The following MAP2K2 variants were observed in gnomAD, a reference collection of about 807,000 sequenced individuals.
MAP2K2 encodes the protein dual specificity mitogen-activated protein kinase kinase 2.
In MAP2K2, 24 loss-of-function variants were observed where a neutral mutation model predicts 43.7. The observed-to-expected ratio is 0.55, with a 90% CI of 0.40 to 0.77. The LOEUF is 0.77. Among genes scored for constraint, MAP2K2 ranks in the 30% least tolerant of loss-of-function variants. The pLI is 0.00. For missense variants in MAP2K2, 470 were observed against 566.8 expected (o/e 0.83, Z 1.73); for synonymous variants, 244 against 239.7 (o/e 1.02, Z -0.17).
chr19:4,105,501 T>C (rs1002043949), intron 3 of MAP2K2, among the ~76,000 whole-genome samples: 1 of 152,104 alleles, frequency 6.6e-6, no homozygotes, highest in African/African-American at 2.4e-5. Flanking sequence ...CTCGATCTCC[T>C]GACCTCGTGA....
chr19:4,094,914 G>C, intron 9 of MAP2K2: 1 of 375,460 alleles, frequency 2.7e-6, no homozygotes, highest in Non-Finnish European at 5.0e-6. Context: ...ACATGGACCG[G>C]CCCTGTGGGC....
rs10424722 is a variant in MAP2K2, at chr19:4,110,554, C to G, written c.405G>C (p.Gly135=). The change falls in exon 3 of 11, where the codon GGG becomes GGC. Residue 135 remains glycine, a synonymous_variant. Coordinates refer to ENST00000262948, the MANE Select transcript of MAP2K2 (RefSeq NM_030662.4). ...CNSPYIVGFY[G]AFYSDGEISI... is the part of the protein sequence containing the mutation. ...TGATCTCCCCGTCACTGTAGAAGGC[C>G]CCGTAGAAGCCCACGATGTACGGCG... The G allele has an allele frequency of 8.2e-3, 13,212 of 1,613,924 alleles. 967 individuals carry two copies. The African/African-American group carries it at 0.15, about 19-fold the overall frequency.
Position 4,123,656 on chromosome 19 carries a change from C to A in MAP2K2, c.92+128G>T, listed in dbSNP as rs976527803. On this transcript the variant is annotated intron_variant, in intron 1 of 10. Transcript: ENST00000262948. Reference sequence around the variant, plus strand: ...AACCCCCTGCCCCGTGCACCACTCACCCCGTCCTCCCCCGTGACCCCCCTG... The same window carrying A: ...AACCCCCTGCCCCGTGCACCACTCAACCCGTCCTCCCCCGTGACCCCCCTG... The A allele has an allele frequency of 2.8e-5, 13 of 472,090 alleles. No homozygotes were observed. The East Asian group carries it at 4.1e-4, about 15-fold the overall frequency. The allele number at this position is 472,090 out of a possible 1,614,324, so 29.2% of individuals were successfully genotyped here.
At chr19:4,120,790 T>TGGGGGAATCCTTCAAGAG (rs1213310435) in intron 1 of MAP2K2, among the ~76,000 whole-genome samples, 1 of 152,156 alleles carries the variant, frequency 6.6e-6, no homozygotes, top group Non-Finnish European at 1.5e-5. Context: ...CTTCCTCTCC[T>TGGGGGAATCCTTCAAGAG]GGGGGAATCC....
rs773947810 is a variant in MAP2K2, at chr19:4,101,127, G to A, written c.597C>T (p.Asn199=). 3.7e-6 allele frequency: 6 copies of A among 1,608,388 alleles called. No individual in the cohort carries two copies. The African/African-American group carries it at 8.0e-5, about 22-fold the overall frequency. The change falls in exon 6 of 11, where the codon AAC becomes AAT. Residue 199 remains asparagine (N), a synonymous_variant. Coordinates refer to ENST00000262948, the MANE Select transcript of MAP2K2 (RefSeq NM_030662.4). The surrounding 1 kb of genome is among the most constrained non-coding windows in gnomAD (Gnocchi z 6.3). ...QIMHRDVKPS[N]ILVNSRGEIK... is the part of the protein sequence containing the mutation. ...TCTCCCCTCTAGAGTTCACGAGGAT[G>A]TTGGAGGGCTTCACATCTGGAGGCG...
intron 1 of MAP2K2, 23 bp downstream of exon 1, chr19:4,123,760 TC>T: frequency 6.8e-7 from 1 of 1,474,832 alleles, no homozygotes. Flanking sequence ...ACCCCAAGCC[TC>T]CGGCTGACCC....
chr19:4,102,967 C>T lies in MAP2K2; in HGVS notation c.451-514G>A, dbSNP rs959431885. The T allele has an allele frequency of 7.3e-6, 8 of 1,099,456 alleles. No individual in the cohort carries two copies. In the Admixed American group the frequency reaches 1.4e-4, roughly 19 times the overall value. 68.1% of individuals were successfully genotyped at this position (1,099,456 alleles called of 1,614,324 possible). A position where few individuals can be genotyped will look rare whatever the true frequency, so the allele number is the denominator to read the frequency against. ...CCCCGCGTGGGAGGAGGCGGCGGGTCGCTGTGTGCCCGTCCAGACCCCCAG... is the reference window on the plus strand; with the variant it reads ...CCCCGCGTGGGAGGAGGCGGCGGGTTGCTGTGTGCCCGTCCAGACCCCCAG... On this transcript the variant is annotated intron_variant, in intron 3 of 10. Coordinates refer to ENST00000262948, the MANE Select transcript of MAP2K2 (RefSeq NM_030662.4).
intron 10 of MAP2K2, among the ~76,000 whole-genome samples, chr19:4,091,015 G>A (rs761972699): frequency 2.6e-5 from 4 of 152,194 alleles, no homozygotes; most frequent in South Asian, 2.1e-4. Flanking sequence ...AGGGTCCTCC[G>A]GCCGCTGTGG....
chr19:4,098,080 C>T (rs1047266359), intron 7 of MAP2K2, among the ~76,000 whole-genome samples: 3 of 152,328 alleles, frequency 2.0e-5, no homozygotes, highest in Non-Finnish European at 4.4e-5. Flanking sequence ...GACCACAAAA[C>T]GTGGCCTGTT....
chr19:4,099,337 G>C lies in MAP2K2; in HGVS notation c.783C>G (p.Ala261=), dbSNP rs1060504779. 6.2e-7 allele frequency: 1 copy of C among 1,610,888 alleles called. No homozygotes were observed. The highest frequency in any genetic ancestry group is 1.3e-5 in the African/African-American group (1 of 75,008). ...WSMGLSLVEL[A]VGRYPIPPPD... is the part of the protein sequence containing the mutation. ...GCGGGGGGATGGGGTACCTTCCGAC[G>C]GCCAGCTCCACCAGGGACAGGCCCA... Residue 261 remains alanine, a synonymous_variant, in exon 7 of 11, where the codon GCC becomes GCG. Transcript: ENST00000262948.
In MAP2K2 at chr19:4,090,572, G is replaced by T. The variant is rs1231183716; in HGVS notation, c.*26C>A. On this transcript the variant is annotated 3_prime_UTR_variant, in exon 11 of 11. Coordinates refer to ENST00000262948, the MANE Select transcript of MAP2K2 (RefSeq NM_030662.4). ...GACAGGGACGGTGGGCAGGTCACCA[G>T]CGGGACGCAGGGAGCCCGGCCACTG... 5 of 1,527,506 alleles carry T rather than the reference G, an allele frequency of 3.3e-6. No homozygotes were observed. The highest frequency in any genetic ancestry group is 4.4e-6 in the Non-Finnish European group (5 of 1,127,378). The allele number at this position is 1,527,506 out of a possible 1,614,324, so 94.6% of individuals were successfully genotyped here. A position where few individuals can be genotyped will look rare whatever the true frequency, so the allele number is the denominator to read the frequency against.
intron 7 of MAP2K2, 119 bp from the exon 8 acceptor site, chr19:4,097,462 T>G (rs1232930464): frequency 4.0e-6 from 3 of 746,874 alleles, no homozygotes; most frequent in Non-Finnish European, 7.1e-6. Context: ...CAGCCTAAAT[T>G]GGAGGCGGGT....
chr19:4,106,808 C>T (rs2041090293), intron 3 of MAP2K2, among the ~76,000 whole-genome samples: 1 of 152,258 alleles, frequency 6.6e-6, no homozygotes, highest in South Asian at 2.1e-4. Flanking sequence ...CACTTTGCCA[C>T]TGCAAAGCAG....
rs2145070817 is a variant in MAP2K2, at chr19:4,110,745, C to G, written c.304-90G>C. ...GCCTCTGCTCTGCAGGCGTTCCCAACAGTGGTCAAGACCAACTCAGTACCC... is the reference window on the plus strand; with the variant it reads ...GCCTCTGCTCTGCAGGCGTTCCCAAGAGTGGTCAAGACCAACTCAGTACCC... On this transcript the variant is annotated intron_variant, in intron 2 of 10. Coordinates refer to ENST00000262948, the MANE Select transcript of MAP2K2 (RefSeq NM_030662.4). 4 of 1,465,228 alleles carry G rather than the reference C, an allele frequency of 2.7e-6. No individual in the cohort carries two copies. In the South Asian group the frequency reaches 3.7e-5, roughly 14 times the overall value. 90.8% of individuals were successfully genotyped at this position (1,465,228 alleles called of 1,614,324 possible). A position where few individuals can be genotyped will look rare whatever the true frequency, so the allele number is the denominator to read the frequency against.
In MAP2K2 at chr19:4,123,879, G is replaced by T; in HGVS notation, c.-4C>A. The stretch of plus-strand genomic sequence containing the variant: ...CCGGCTTCCTCCGGGCCAGCATCGG[G>T]GCTCCGCGGGCCGGCGGCGGCGGCG... On this transcript the variant is annotated 5_prime_UTR_variant, in exon 1 of 11. Transcript: ENST00000262948. The T allele has an allele frequency of 1.4e-6, 2 of 1,440,594 alleles. No homozygotes were observed. The highest frequency in any genetic ancestry group is 1.8e-6 in the Non-Finnish European group (2 of 1,092,006). The allele number at this position is 1,440,594 out of a possible 1,614,324, so 89.2% of individuals were successfully genotyped here.
chr19:4,115,132 TC>T lies in MAP2K2; in HGVS notation c.303+2286del. Among the ~76,000 whole-genome samples, 1 of 151,798 alleles carries T rather than the reference TC, an allele frequency of 6.6e-6. No homozygotes were observed. The highest frequency in any genetic ancestry group is 1.5e-5 in the Non-Finnish European group (1 of 67,954). On this transcript the variant is annotated intron_variant, in intron 2 of 10. Transcript: ENST00000262948. This position sits in a 1 kb window ranked among gnomAD's most constrained non-coding sequence, Gnocchi z 4.1. ...GAAGTTGCAAAAATAGTAACGAGAG[TC>T]CCGTGCGCCCTTTCCCCGCCTCCCC... is the stretch of plus-strand genomic sequence containing the variant.
At chr19:4,108,596 C>T (rs144544297) in intron 3 of MAP2K2, among the ~76,000 whole-genome samples, 65 of 152,146 alleles carry the variant, frequency 4.3e-4, no homozygotes, top group African/African-American at 1.4e-3. Context: ...ACAGACAGCA[C>T]GGCCTGTGTC....
chr19:4,119,785 T>A (rs573159074), intron 1 of MAP2K2, among the ~76,000 whole-genome samples: 5 of 152,286 alleles, frequency 3.3e-5, no homozygotes, highest in African/African-American at 1.2e-4. Flanking sequence ...GAGGTCCCAA[T>A]TCAGGAAGGA....
Position 4,115,781 on chromosome 19 carries a change from C to G in MAP2K2, c.303+1638G>C, listed in dbSNP as rs1322920065. 1.3e-5 allele frequency among the ~76,000 whole-genome samples: 2 copies of G among 152,238 alleles called. No individual in the cohort carries two copies. Among genetic ancestry groups the G allele is most frequent in the Non-Finnish European group, 2.9e-5 (2 of 68,038 alleles). On this transcript the variant is annotated intron_variant, in intron 2 of 10. Transcript: ENST00000262948. The surrounding 1 kb of genome is among the most constrained non-coding windows in gnomAD (Gnocchi z 4.1). ...GGGACTAGGTGCAGTCACGTTCCCC[C>G]AGTTTGGGGAACTACAGGATGGTGG...
Sources: gnomAD v4.1 joint callset for allele counts (sites outside exome capture counted in the v4.1 genomes callset) on GRCh38, gnomAD v4.1.1 for gene constraint, Gnocchi (gnomAD v3.1) non-coding constraint, MANE v1.5 for transcripts, NCBI Gene and HGNC (gene_info 2026-07-23, HGNC 2026-07-21) for gene names.